PIK3R3: variants seen among roughly 807,000 people sequenced by gnomAD.
The protein encoded by PIK3R3 is phosphatidylinositol 3-kinase regulatory subunit gamma.
PIK3R3 carries 64 observed loss-of-function variants against 62.9 expected under a neutral mutation model. That is an observed-to-expected ratio of 1.02 (90% CI 0.83 to 1.25). PIK3R3 has a LOEUF of 1.25. Ranked by LOEUF, PIK3R3 falls within the 50% of genes most tolerant of loss-of-function variation. PIK3R3 has a pLI of 0.00. For missense variants in PIK3R3, 614 were observed against 561.6 expected (o/e 1.09, Z -0.94); for synonymous variants, 165 against 189.0 (o/e 0.87, Z 1.04).
At chr1:46,125,272 C>G (rs1010008242) in intron 1 of PIK3R3, among the ~76,000 whole-genome samples, 2 of 151,850 alleles carry the variant, frequency 1.3e-5, no homozygotes, top group Non-Finnish European at 1.5e-5. Context: ...TAATCTTTTT[C>G]AATAAGAAGA....
chr1:46,114,303 G>A (rs1299830172), intron 1 of PIK3R3, among the ~76,000 whole-genome samples: 1 of 152,160 alleles, frequency 6.6e-6, no homozygotes, highest in African/African-American at 2.4e-5. Flanking sequence ...TAAATAAGAG[G>A]GAAGAGGGAA....
At chr1:46,144,162 A>T in the PIK3R3 span, among the ~76,000 whole-genome samples, 1 of 152,184 alleles carries the variant, frequency 6.6e-6, no homozygotes, top group Admixed American at 6.5e-5. Flanking sequence ...GACCTATAAC[A>T]CGGAATCAAT....
upstream of PIK3R3, chr1:46,133,089 G>A (rs1282412850): frequency 3.1e-6 from 3 of 964,914 alleles, no homozygotes; most frequent in East Asian, 1.1e-4. Context: ...CGAAGGAGCG[G>A]GAGACGGCTG....
chr1:46,120,960 C>T (rs1264351629), intron 1 of PIK3R3, among the ~76,000 whole-genome samples: 2 of 152,148 alleles, frequency 1.3e-5, no homozygotes, highest in African/African-American at 2.4e-5. Context: ...TTTTCCTCTT[C>T]TTTTGGAAGT....
Position 46,108,150 on chromosome 1 carries a change from A to G in PIK3R3, c.106+23697T>C, listed in dbSNP as rs139197566. On this transcript the variant is annotated intron_variant, in intron 1 of 9. Coordinates refer to ENST00000262741, the MANE Select transcript of PIK3R3 (RefSeq NM_003629.4). Reference sequence around the variant, plus strand: ...ATTACTAACCCTTTGTACAATATACAGCACTTTTATTACCTTAACATTATA... The same window carrying G: ...ATTACTAACCCTTTGTACAATATACGGCACTTTTATTACCTTAACATTATA... Among the ~76,000 whole-genome samples the G allele has an allele frequency of 5.5e-3, 841 of 152,372 alleles. 4 individuals are homozygous for G. The highest frequency in any genetic ancestry group is 7.6e-3 in the African/African-American group (315 of 41,588).
chr1:46,105,119 G>C lies in PIK3R3; in HGVS notation c.107-24369C>G, dbSNP rs912423641. ...TTATGTAGCAACTCAAATTGGAATAGAATGGAACCTGTCCCCTGATGGGAG... is the reference window on the plus strand; with the variant it reads ...TTATGTAGCAACTCAAATTGGAATACAATGGAACCTGTCCCCTGATGGGAG... On this transcript the variant is annotated intron_variant, in intron 1 of 9. Transcript: ENST00000262741. 10 of 719,488 alleles carry C rather than the reference G, an allele frequency of 1.4e-5. No homozygotes were observed. In the Admixed American group the frequency reaches 1.7e-4, roughly 12 times the overall value. 44.6% of individuals were successfully genotyped at this position (719,488 alleles called of 1,614,324 possible).
At chr1:46,101,208 C>G (rs1293396883) in intron 1 of PIK3R3, among the ~76,000 whole-genome samples, 1 of 150,006 alleles carries the variant, frequency 6.7e-6, no homozygotes, top group Non-Finnish European at 1.5e-5. Flanking sequence ...AAAAACATCC[C>G]AAGTGCGCTG....
chr1:46,165,751 C>CTTTTTTTT, the PIK3R3 span, among the ~76,000 whole-genome samples: 135 of 39,554 alleles, frequency 3.4e-3, 58 homozygotes, highest in Non-Finnish European at 5.0e-3. Context: ...CTGCTTTGTC[C>CTTTTTTTT]TTTTTTTTTT....
intron 2 of PIK3R3, among the ~76,000 whole-genome samples, chr1:46,079,338 A>G (rs1393556859): frequency 6.6e-6 from 1 of 152,196 alleles, no homozygotes; most frequent in Non-Finnish European, 1.5e-5. Context: ...CTTTAGGTTC[A>G]AAATTACCTA....
intron 3 of PIK3R3, among the ~76,000 whole-genome samples, chr1:46,076,408 C>A (rs1224877324): frequency 1.3e-5 from 2 of 152,156 alleles, no homozygotes; most frequent in Non-Finnish European, 2.9e-5. Context: ...ATGACCAATG[C>A]TGCTAAGAGG....
At position 46,055,840 on chromosome 1, in the gene PIK3R3, T is replaced by C; in HGVS notation, c.896A>G (p.Lys299Arg). Residue 299 changes from lysine (K) to arginine (R), a missense_variant, in exon 7 of 10, where the codon AAA becomes AGA. Transcript: ENST00000262741. The part of the protein sequence containing the change: ...REIDKKMNSI[K>R]PDLIQLRKIR... ...CTTTCGCAGCTGGATCAGGTCAGGT[T>C]TGATGCTATTCATTTTTTTATCTAT... 1 of 1,609,674 alleles carries C rather than the reference T, an allele frequency of 6.2e-7. No individual in the cohort carries two copies. The highest frequency in any genetic ancestry group is 1.7e-4 in the Middle Eastern group (1 of 6,036).
the PIK3R3 span, among the ~76,000 whole-genome samples, chr1:46,167,947 G>A: frequency 6.6e-6 from 1 of 152,154 alleles, no homozygotes; most frequent in Admixed American, 6.5e-5. Flanking sequence ...CTTGAAATCA[G>A]GAGTTTGAGA....
At chr1:46,077,275 A>G (rs1240864715) in intron 3 of PIK3R3, among the ~76,000 whole-genome samples, 1 of 152,124 alleles carries the variant, frequency 6.6e-6, no homozygotes, top group African/African-American at 2.4e-5. Context: ...ACTCCCTTAC[A>G]TTTTGGGATT....
intron 1 of PIK3R3, among the ~76,000 whole-genome samples, chr1:46,127,597 C>T (rs542422998): frequency 9.9e-5 from 15 of 152,188 alleles, no homozygotes; most frequent in East Asian, 1.9e-4. Flanking sequence ...CCAAAGGTGA[C>T]GCTCTTTGAG....
At chr1:46,094,116 AAC>A (rs1651898581) in intron 1 of PIK3R3, among the ~76,000 whole-genome samples, 1 of 152,144 alleles carries the variant, frequency 6.6e-6, no homozygotes, top group Non-Finnish European at 1.5e-5. Flanking sequence ...AAAGACACAA[AAC>A]AAACCTAAAA....
chr1:46,138,527 G>A, the PIK3R3 span, among the ~76,000 whole-genome samples: 11 of 152,194 alleles, frequency 7.2e-5, no homozygotes, highest in Admixed American at 7.2e-4. Flanking sequence ...AGGTGTGGTG[G>A]TGTGCTCCTG....
chr1:46,143,564 C>G, the PIK3R3 span, among the ~76,000 whole-genome samples: 1 of 152,076 alleles, frequency 6.6e-6, no homozygotes, highest in Non-Finnish European at 1.5e-5. Context: ...ATCCCCCCAC[C>G]TCTGCCCTCC....
chr1:46,155,708 C>T, the PIK3R3 span, among the ~76,000 whole-genome samples: 2 of 152,130 alleles, frequency 1.3e-5, no homozygotes, highest in Non-Finnish European at 2.9e-5. Flanking sequence ...GCTATCTGCC[C>T]ACCTTGGCCT....
Position 46,091,521 on chromosome 1 carries a change from T to C in PIK3R3, c.107-10771A>G, listed in dbSNP as rs566132262. On this transcript the variant is annotated intron_variant, in intron 1 of 9. Transcript: ENST00000262741. The stretch of plus-strand genomic sequence containing the variant: ...ACACAGAGAATGTGAAAGAGACCAT[T>C]TGTGGCCTGCAAAGCCTAAAGTAGT... Among the ~76,000 whole-genome samples, 10 of 151,806 alleles carry C rather than the reference T, an allele frequency of 6.6e-5. 1 individual carries two copies. Among genetic ancestry groups the C allele is most frequent in the Non-Finnish European group, 1.2e-4 (8 of 67,954 alleles).
Sources: gnomAD v4.1 joint callset for allele counts (sites outside exome capture counted in the v4.1 genomes callset) on GRCh38, gnomAD v4.1.1 for gene constraint, MANE v1.5 for transcripts, NCBI Gene and HGNC (gene_info 2026-07-23, HGNC 2026-07-21) for gene names.